The following UPF3A variants were observed in gnomAD, a reference collection of about 807,000 sequenced individuals.
UPF3A encodes UPF3A regulator of nonsense mediated mRNA decay.
A neutral mutation model predicts 53.5 loss-of-function variants in UPF3A; 42 were observed. The observed-to-expected ratio is 0.78, with a 90% CI of 0.61 to 1.01. UPF3A has a LOEUF of 1.01. Among genes scored for constraint, UPF3A ranks in the 50% least tolerant of loss-of-function variants. The pLI is 0.00. For synonymous variants in UPF3A, 237 were observed against 225.3 expected, an observed-to-expected ratio of 1.05 and a Z score of -0.47; for missense variants, 575 against 598.0, an observed-to-expected ratio of 0.96 and a Z score of 0.40.
In UPF3A at chr13:114,282,123, C is replaced by G. The variant is rs1419598132; in HGVS notation, c.310C>G (p.Leu104Val). ...HDYFEFFAAD[L>V]SLYPHLYSRA... ...CTACTTCGAGTTCTTCGCCGCCGACCTGAGGTGAGGCCCGCCCCGAGGGGA... is the reference window on the plus strand; with the variant it reads ...CTACTTCGAGTTCTTCGCCGCCGACGTGAGGTGAGGCCCGCCCCGAGGGGA... Residue 104 changes from leucine (L) to valine (V), a missense_variant, in exon 2 of 10, where the codon CTG (leucine) becomes GTG (valine). Leu to Val is a conservative substitution (Grantham distance 32). This residue lies in a region of UPF3A where 252 missense variants were observed against 182.7 expected (regional missense o/e 1.38). Transcript: ENST00000375299. The G allele has an allele frequency of 6.4e-7, 1 of 1,557,956 alleles. No homozygotes were observed.
chr13:114,298,184 C>T (rs950580867), intron 7 of UPF3A, among the ~76,000 whole-genome samples: 1 of 151,754 alleles, frequency 6.6e-6, no homozygotes, highest in Non-Finnish European at 1.5e-5. Context: ...TCAGCCTGGC[C>T]GACATACTGA....
chr13:114,283,714 C>T (rs11838792), intron 3 of UPF3A: 34,741 of 978,444 alleles, frequency 0.036, 1,137 homozygotes, highest in African/African-American at 0.16. Context: ...GTCTTCAACT[C>T]TACTCTCAAT....
chr13:114,281,602 T>C lies in UPF3A; in HGVS notation c.-38T>C. On this transcript the variant is annotated 5_prime_UTR_variant, in exon 1 of 10. Coordinates refer to ENST00000375299, the MANE Select transcript of UPF3A (RefSeq NM_023011.4). ...GCGGCCGAGCTCTCGCGAGGTTTCG[T>C]CGGGGGCTGGCGGCTGCGGCTCGGC... The C allele has an allele frequency of 2.9e-6, 4 of 1,387,772 alleles. No homozygotes were observed. The highest frequency in any genetic ancestry group is 3.7e-6 in the Non-Finnish European group (4 of 1,073,894). The allele number at this position is 1,387,772 out of a possible 1,614,324, so 86.0% of individuals were successfully genotyped here.
intron 3 of UPF3A, chr13:114,284,038 A>G: frequency 1.0e-6 from 1 of 985,452 alleles, no homozygotes; most frequent in Non-Finnish European, 1.2e-6. Context: ...TCATTTATTC[A>G]GTAACTTACT....
In UPF3A at chr13:114,286,625, C is replaced by T. The variant is rs373158343; in HGVS notation, c.627C>T (p.Leu209=). 5 of 1,611,402 alleles carry T rather than the reference C, an allele frequency of 3.1e-6. No individual in the cohort carries two copies. The highest frequency in any genetic ancestry group is 1.1e-5 in the South Asian group (1 of 90,548). ...LGEMEAKTRE[L]IARRTTPLLE... is the part of the protein sequence containing the mutation. ...AGATGGAGGCGAAGACAAGAGAGCT[C>T]ATTGGTCTGTTTTGCTCATTTCTTC... Residue 209 remains leucine, a synonymous_variant, in exon 5 of 10, where the codon CTC becomes CTT. Coordinates refer to ENST00000375299, the MANE Select transcript of UPF3A (RefSeq NM_023011.4).
rs779685671 is a variant in UPF3A, at chr13:114,286,334, C to T, written c.454C>T (p.Pro152Ser). ...LEYPAVVEFA[P>S]FQKIAKKKLR... The stretch of plus-strand genomic sequence containing the variant: ...ATATCCTGCAGTGGTAGAGTTTGCT[C>T]CATTCCAGAAGATAGCCAAAAAGAA... Residue 152 changes from proline to serine, a missense_variant, in exon 4 of 10, where the codon CCA (proline) becomes TCA (serine). Transcript: ENST00000375299. The T allele has an allele frequency of 9.9e-6, 16 of 1,613,974 alleles. No homozygotes were observed. Among genetic ancestry groups the T allele is most frequent in the Admixed American group, 1.7e-5 (1 of 60,000 alleles).
intron 7 of UPF3A, among the ~76,000 whole-genome samples, chr13:114,294,076 G>A (rs2085577350): frequency 6.6e-6 from 1 of 152,012 alleles, no homozygotes; most frequent in African/African-American, 2.4e-5. Context: ...GAGCCACCAT[G>A]CCTGGCCTGG....
intron 7 of UPF3A, among the ~76,000 whole-genome samples, chr13:114,294,281 G>GT (rs201412058): frequency 1.7e-4 from 26 of 151,238 alleles, no homozygotes; most frequent in East Asian, 7.8e-4. Context: ...GGTGGGGGGG[G>GT]GGTTTGAGAC....
intron 9 of UPF3A, among the ~76,000 whole-genome samples, chr13:114,303,003 G>C: frequency 6.6e-6 from 1 of 152,186 alleles, no homozygotes; most frequent in East Asian, 1.9e-4. Flanking sequence ...AGGAGGCTGA[G>C]GCAGGAGAAT....
In UPF3A at chr13:114,281,646, T is replaced by C; in HGVS notation, c.7T>C (p.Ser3Pro). Reference protein sequence around the residue: MRSEKEGAGGLRA... With the variant: MRPEKEGAGGLRA... ...GCTCGGCGGAGAGTGCGGCATGCGC[T>C]CGGAAAAGGAGGGGGCCGGAGGCCT... Residue 3 changes from serine (S) to proline (P), a missense_variant, in exon 1 of 10, where the codon TCG becomes CCG. Ser to Pro is a moderately conservative substitution (Grantham distance 74, BLOSUM62 -1). This residue lies in a region of UPF3A where 252 missense variants were observed against 182.7 expected (regional missense o/e 1.38). Coordinates refer to ENST00000375299, the MANE Select transcript of UPF3A (RefSeq NM_023011.4). 6.8e-7 allele frequency: 1 copy of C among 1,473,872 alleles called. No individual in the cohort carries two copies. Among genetic ancestry groups the C allele is most frequent in the Non-Finnish European group, 9.0e-7 (1 of 1,112,816 alleles). 91.3% of individuals were successfully genotyped at this position (1,473,872 alleles called of 1,614,324 possible).
intron 8 of UPF3A, among the ~76,000 whole-genome samples, chr13:114,300,441 G>A (rs1431304731): frequency 3.3e-5 from 5 of 151,964 alleles, no homozygotes; most frequent in Non-Finnish European, 7.4e-5. Flanking sequence ...GCACGATCTC[G>A]GCTCACTGCA....
At chr13:114,282,409 G>C (rs2084181001) in intron 2 of UPF3A, 25 of 1,216,046 alleles carry the variant, frequency 2.1e-5, no homozygotes, top group Non-Finnish European at 2.6e-5. Context: ...CCCGCCCGGC[G>C]CCTCCCGGGC....
At chr13:114,303,659 G>A (rs2086791914) in intron 9 of UPF3A, among the ~76,000 whole-genome samples, 1 of 152,098 alleles carries the variant, frequency 6.6e-6, no homozygotes, top group Non-Finnish European at 1.5e-5. Context: ...GGTGACACAT[G>A]CCTGTAATCC....
intron 8 of UPF3A, among the ~76,000 whole-genome samples, chr13:114,300,541 GT>G (rs59630261): frequency 0.028 from 4,180 of 147,432 alleles, 207 homozygotes; most frequent in African/African-American, 0.099. Context: ...GCTAATTTTT[GT>G]TTTTTTTTTG....
chr13:114,284,729 A>C (rs2084498135), intron 3 of UPF3A, among the ~76,000 whole-genome samples: 1 of 151,892 alleles, frequency 6.6e-6, no homozygotes, highest in South Asian at 2.1e-4. Context: ...AATTTATACC[A>C]TACTGTTTTC....
intron 5 of UPF3A, 150 bp downstream of exon 5, chr13:114,286,779 G>C (rs2084737423): frequency 6.1e-6 from 4 of 659,188 alleles, no homozygotes; most frequent in Non-Finnish European, 1.0e-5. Context: ...TTTGACAAAA[G>C]AATGGCAAGA....
intron 7 of UPF3A, among the ~76,000 whole-genome samples, chr13:114,296,946 A>T (rs1248719683): frequency 6.6e-6 from 1 of 152,208 alleles, no homozygotes; most frequent in East Asian, 1.9e-4. Flanking sequence ...TGCAATTTTT[A>T]TAAAAGATGG....
intron 9 of UPF3A, among the ~76,000 whole-genome samples, chr13:114,304,226 C>T (rs74116892): frequency 0.028 from 4,273 of 152,332 alleles, 208 homozygotes; most frequent in African/African-American, 0.098. Flanking sequence ...GCTGCTGACA[C>T]TAGCCTTCAG....
intron 7 of UPF3A, among the ~76,000 whole-genome samples, chr13:114,294,685 C>T (rs550089164): frequency 9.0e-4 from 136 of 151,474 alleles, no homozygotes; most frequent in Middle Eastern, 6.8e-3. Flanking sequence ...AATAGCTGGG[C>T]GTGGTGGCAC....
Sources: allele counts gnomAD v4.1 joint callset (sites outside exome capture counted in the v4.1 genomes callset), GRCh38; gene constraint gnomAD v4.1.1; regional missense constraint gnomAD v4.1.1; transcripts MANE v1.5; gene names NCBI Gene and HGNC (gene_info 2026-07-23, HGNC 2026-07-21).